The following CCDC33 variants were observed in gnomAD, a reference collection of about 807,000 sequenced individuals.
CCDC33 encodes coiled-coil domain containing 33.
CCDC33 carries 94 observed loss-of-function variants against 91.9 expected under a neutral mutation model. That is an observed-to-expected ratio of 1.02 (90% CI 0.87 to 1.21). The LOEUF (loss-of-function observed/expected upper bound fraction) is 1.21, where lower values mean the gene tolerates loss of function less well. CCDC33 is among the 50% of genes most tolerant of loss of function. The pLI is 0.00. For missense variants in CCDC33, 940 were observed against 935.5 expected, an observed-to-expected ratio of 1.00 and a Z score of -0.06; for synonymous variants, 396 against 374.5, an observed-to-expected ratio of 1.06 and a Z score of -0.66.
intron 2 of CCDC33, among the ~76,000 whole-genome samples, chr15:74,211,724 G>A (rs2074370987): frequency 6.6e-6 from 1 of 151,830 alleles, no homozygotes; most frequent in African/African-American, 2.4e-5. Flanking sequence ...TTTCTATCTG[G>A]TTGTCCTCCT....
At chr15:74,295,429 C>T (rs1006742107) in intron 10 of CCDC33, among the ~76,000 whole-genome samples, 19 of 151,058 alleles carry the variant, frequency 1.3e-4, no homozygotes, top group African/African-American at 4.4e-4. Flanking sequence ...GTGTAGGGAC[C>T]CTCTGAGCAG....
chr15:74,229,258 C>T (rs557467775), intron 2 of CCDC33, among the ~76,000 whole-genome samples: 4 of 152,220 alleles, frequency 2.6e-5, no homozygotes, highest in East Asian at 1.9e-4. Flanking sequence ...TTTGGGAGAC[C>T]GAGGCAGGCA....
chr15:74,310,823 G>A (rs1168821843), intron 11 of CCDC33, among the ~76,000 whole-genome samples: 1 of 152,210 alleles, frequency 6.6e-6, no homozygotes, highest in East Asian at 1.9e-4. Context: ...GCCAAAAGAG[G>A]CTGGGTGACA....
At chr15:74,329,439 C>T (rs1048543120) in intron 11 of CCDC33, among the ~76,000 whole-genome samples, 6 of 152,132 alleles carry the variant, frequency 3.9e-5, no homozygotes, top group Non-Finnish European at 5.9e-5. Context: ...ATTGGTATAA[C>T]GGAGATAATA....
chr15:74,242,436 C>T (rs1007648649), intron 1 of CCDC33, among the ~76,000 whole-genome samples: 8 of 152,218 alleles, frequency 5.3e-5, no homozygotes, highest in African/African-American at 1.9e-4. Context: ...TGTAATAGGA[C>T]ATTGTTCTCA....
chr15:74,206,944 A>T (rs529988961), intron 1 of CCDC33, among the ~76,000 whole-genome samples: 1 of 152,348 alleles, frequency 6.6e-6, no homozygotes, highest in South Asian at 2.1e-4. Flanking sequence ...CGGGTGGCTA[A>T]GCCCTGCTCA....
At chr15:74,328,934 C>T (rs1216971698) in intron 11 of CCDC33, among the ~76,000 whole-genome samples, 1 of 152,206 alleles carries the variant, frequency 6.6e-6, no homozygotes, top group African/African-American at 2.4e-5. Flanking sequence ...AAACTCACTT[C>T]CCCATGCCCA....
intron 1 of CCDC33, among the ~76,000 whole-genome samples, chr15:74,205,187 T>C (rs1359500807): frequency 6.6e-6 from 1 of 152,114 alleles, no homozygotes; most frequent in East Asian, 1.9e-4. Flanking sequence ...GGTGTGTTGC[T>C]GATACCAGAG....
chr15:74,221,402 C>A, intron 2 of CCDC33: 2 of 797,480 alleles, frequency 2.5e-6, no homozygotes, highest in Non-Finnish European at 3.0e-6. Context: ...CCACGACTGG[C>A]TTTGAATCAG....
At chr15:74,278,949 G>A (rs2076519616) in intron 7 of CCDC33, among the ~76,000 whole-genome samples, 1 of 152,236 alleles carries the variant, frequency 6.6e-6, no homozygotes, top group East Asian at 1.9e-4. Flanking sequence ...AGATGTCTTG[G>A]CCTCTGCAAG....
chr15:74,293,707 T>C (rs2059627094), intron 10 of CCDC33, among the ~76,000 whole-genome samples: 2 of 152,202 alleles, frequency 1.3e-5, no homozygotes, highest in Non-Finnish European at 2.9e-5. Context: ...CCCAGGAGTC[T>C]TGGTCATGAA....
intron 10 of CCDC33, among the ~76,000 whole-genome samples, chr15:74,286,452 C>T (rs1463290160): frequency 6.6e-6 from 1 of 152,130 alleles, no homozygotes; most frequent in Admixed American, 6.5e-5. Flanking sequence ...GATCCCACAG[C>T]ATCCTGGGTG....
intron 10 of CCDC33, among the ~76,000 whole-genome samples, chr15:74,289,896 T>C (rs2059553556): frequency 6.6e-6 from 1 of 152,214 alleles, no homozygotes. Flanking sequence ...AATGCAGAGA[T>C]GACTGAGAAA....
intron 7 of CCDC33, among the ~76,000 whole-genome samples, chr15:74,276,134 T>G (rs1355922591): frequency 6.6e-6 from 1 of 152,110 alleles, no homozygotes; most frequent in Non-Finnish European, 1.5e-5. Context: ...CTGGTATAAA[T>G]GTGGAAGGTT....
At chr15:74,285,570 G>T (rs2059456506) in intron 10 of CCDC33, among the ~76,000 whole-genome samples, 1 of 151,962 alleles carries the variant, frequency 6.6e-6, no homozygotes, top group Admixed American at 6.6e-5. Context: ...TTGCCCCCGA[G>T]GCTGCAGGGC....
chr15:74,275,062 C>T (rs1036276561), intron 7 of CCDC33, among the ~76,000 whole-genome samples: 5 of 152,228 alleles, frequency 3.3e-5, no homozygotes, highest in Admixed American at 6.5e-5. Context: ...CAGACCCCTG[C>T]CCTGTTCCCT....
intron 7 of CCDC33, among the ~76,000 whole-genome samples, chr15:74,275,617 C>T (rs559690189): frequency 4.6e-5 from 7 of 152,248 alleles, no homozygotes; most frequent in East Asian, 1.9e-4. Flanking sequence ...AGCTGGCTAA[C>T]GGCTCATGGG....
intron 2 of CCDC33, chr15:74,209,669 G>A: frequency 1.8e-6 from 1 of 546,448 alleles, no homozygotes; most frequent in African/African-American, 1.9e-5. Context: ...CTCCAACGCT[G>A]CTGGACAGTC....
At chr15:74,298,770 T>C (rs1438585396) in intron 11 of CCDC33, among the ~76,000 whole-genome samples, 1 of 139,140 alleles carries the variant, frequency 7.2e-6, no homozygotes, top group Non-Finnish European at 1.5e-5. Context: ...TGGAGTGCAG[T>C]GGTACCATCT....
Sources: allele counts gnomAD v4.1 joint callset (sites outside exome capture counted in the v4.1 genomes callset), GRCh38; gene constraint gnomAD v4.1.1; transcripts MANE v1.5; gene names NCBI Gene and HGNC (gene_info 2026-07-23, HGNC 2026-07-21).